Variants in PKNOX1 observed in about 807,000 individuals in gnomAD.
The protein encoded by PKNOX1 is homeobox protein PKNOX1.
Under a neutral mutation model 51.9 loss-of-function variants are expected in PKNOX1, and 15 were observed. The observed-to-expected ratio is 0.29, with a 90% CI of 0.19 to 0.45. The LOEUF is 0.45. Ranked by LOEUF, PKNOX1 falls within the 20% of genes least tolerant of loss-of-function variation. PKNOX1 has a pLI of 1.00. For synonymous variants in PKNOX1, 219 were observed against 211.1 expected, an observed-to-expected ratio of 1.04 and a Z score of -0.32; for missense variants, 462 against 547.5, an observed-to-expected ratio of 0.84 and a Z score of 1.56.
At chr21:42,990,022 A>G (rs2059077667) in intron 1 of PKNOX1, among the ~76,000 whole-genome samples, 1 of 151,730 alleles carries the variant, frequency 6.6e-6, no homozygotes. Context: ...TGCTTGAGTG[A>G]GGGAGGTCGA....
intron 1 of PKNOX1, among the ~76,000 whole-genome samples, chr21:42,990,039 A>G (rs773229272): frequency 2.2e-4 from 33 of 151,964 alleles, no homozygotes; most frequent in Admixed American, 3.3e-4. Context: ...TCGAGGCTGC[A>G]GTGAGCCAGA....
chr21:42,987,382 CAAAAAAAAAA>C (rs1181890321), intron 1 of PKNOX1, among the ~76,000 whole-genome samples: 2 of 47,896 alleles, frequency 4.2e-5, no homozygotes, highest in African/African-American at 1.0e-4. Flanking sequence ...AACTCCCTCT[CAAAAAAAAAA>C]AAAAAAAAAA....
At chr21:43,026,532 G>C (rs922173634) in intron 9 of PKNOX1, among the ~76,000 whole-genome samples, 1 of 152,158 alleles carries the variant, frequency 6.6e-6, no homozygotes, top group African/African-American at 2.4e-5. Context: ...GCCGAGGTGG[G>C]CAGATCACGA....
rs541228311 is a variant in PKNOX1 at position 42,978,602 on chromosome 21, G to C, written c.-57+3938G>C. ...GGGTTCAAGTGATTCTCTTGCCTCAGCCTACCAAGTAGTTGGGACTACAGA... is the reference window on the plus strand; with the variant it reads ...GGGTTCAAGTGATTCTCTTGCCTCACCCTACCAAGTAGTTGGGACTACAGA... On this transcript the variant is annotated intron_variant, in intron 1 of 10. Coordinates refer to ENST00000291547, the MANE Select transcript of PKNOX1 (RefSeq NM_004571.5). Among the ~76,000 whole-genome samples, 20 of 150,824 alleles carry C rather than the reference G, an allele frequency of 1.3e-4. No homozygotes were observed. In the South Asian group the frequency reaches 4.2e-3, roughly 32 times the overall value.
At chr21:42,975,086 C>T (rs2058985988) in intron 1 of PKNOX1, among the ~76,000 whole-genome samples, 2 of 141,670 alleles carry the variant, frequency 1.4e-5, no homozygotes, top group Admixed American at 6.9e-5. Flanking sequence ...GGCGGGGCGG[C>T]GGGCGTGAGG....
At position 43,026,711 on chromosome 21, in the gene PKNOX1, C is replaced by T. The variant is rs182755596; in HGVS notation, c.926+1764C>T. Reference sequence around the variant, plus strand: ...GGTGGAGGTTGCAGTGAGCCCAGATCGCACCATTGCACTCCAGCCTGGGCG... The same window carrying T: ...GGTGGAGGTTGCAGTGAGCCCAGATTGCACCATTGCACTCCAGCCTGGGCG... On this transcript the variant is annotated intron_variant, in intron 9 of 10. Coordinates refer to ENST00000291547, the MANE Select transcript of PKNOX1 (RefSeq NM_004571.5). Among the ~76,000 whole-genome samples the T allele has an allele frequency of 4.6e-5, 7 of 152,110 alleles. No homozygotes were observed. In the East Asian group the frequency reaches 1.2e-3, roughly 25 times the overall value.
At chr21:42,992,611 C>T (rs1385550678) in intron 1 of PKNOX1, among the ~76,000 whole-genome samples, 25 of 152,122 alleles carry the variant, frequency 1.6e-4, no homozygotes, top group African/African-American at 7.2e-5. Context: ...CTTCTGGAGG[C>T]GCTTTCTGAA....
intron 1 of PKNOX1, among the ~76,000 whole-genome samples, chr21:42,992,052 T>C (rs1182256245): frequency 6.6e-6 from 1 of 152,220 alleles, no homozygotes; most frequent in Non-Finnish European, 1.5e-5. Flanking sequence ...GTTACACTCA[T>C]GTGGCTTCGG....
Position 43,029,988 on chromosome 21 carries a change from A to T in PKNOX1, c.1198A>T (p.Met400Leu). ...GATLAVQQVM[M>L]AGQSEDESVD... Reference sequence around the variant, plus strand: ...CACCCTGGCGGTGCAGCAGGTCATGATGGCAGGGCAGAGCGAGGACGAGTC... The same window carrying T: ...CACCCTGGCGGTGCAGCAGGTCATGTTGGCAGGGCAGAGCGAGGACGAGTC... The change falls in exon 11 of 11, where the codon ATG (methionine) becomes TTG (leucine). Residue 400 changes from methionine (M) to leucine (L), a missense_variant. Met to Leu is a conservative substitution (Grantham distance 15). Coordinates refer to ENST00000291547, the MANE Select transcript of PKNOX1 (RefSeq NM_004571.5). 1 of 1,614,056 alleles carries T rather than the reference A, an allele frequency of 6.2e-7. No individual in the cohort carries two copies. Among genetic ancestry groups the T allele is most frequent in the Non-Finnish European group, 8.5e-7 (1 of 1,180,026 alleles).
At chr21:42,974,865 G>T (rs1333532660) in intron 1 of PKNOX1, among the ~76,000 whole-genome samples, 1 of 147,902 alleles carries the variant, frequency 6.8e-6, no homozygotes, top group Non-Finnish European at 1.5e-5. Context: ...GGGGAGGGGA[G>T]CGGGCACCCG....
At chr21:43,018,481 CACACACACACACACACACACACACA>C (rs1979609130) in intron 7 of PKNOX1, among the ~76,000 whole-genome samples, 1 of 22,342 alleles carries the variant, frequency 4.5e-5, no homozygotes, top group Non-Finnish European at 1.1e-4. Flanking sequence ...CACCCACACA[CACACACACACACACACACACACACA>C]CACACACACA....
intron 10 of PKNOX1, 130 bp from the exon 11 acceptor site, chr21:43,029,760 C>A: frequency 1.3e-6 from 1 of 799,648 alleles, no homozygotes; most frequent in Non-Finnish European, 2.1e-6. Flanking sequence ...CCCTGTTGAA[C>A]ATTCCCTAAA....
chr21:42,976,222 A>C (rs1601259648), intron 1 of PKNOX1, among the ~76,000 whole-genome samples: 1 of 140,890 alleles, frequency 7.1e-6, no homozygotes, highest in Admixed American at 7.0e-5. Flanking sequence ...ATACTACTTA[A>C]AGTGTGCAAT....
intron 3 of PKNOX1, 123 bp downstream of exon 3, chr21:43,007,741 CT>C (rs1357399087): frequency 2.5e-5 from 26 of 1,060,980 alleles, no homozygotes; most frequent in Non-Finnish European, 3.5e-5. Flanking sequence ...GATGTGATAA[CT>C]GCTCGGCTGA....
intron 5 of PKNOX1, among the ~76,000 whole-genome samples, chr21:43,016,365 T>C (rs1347775044): frequency 6.6e-6 from 1 of 152,144 alleles, no homozygotes; most frequent in African/African-American, 2.4e-5. Context: ...GCAAGAACAC[T>C]GGGGAAAGCC....
chr21:42,983,922 T>G (rs921760718), intron 1 of PKNOX1, among the ~76,000 whole-genome samples: 1 of 152,220 alleles, frequency 6.6e-6, no homozygotes, highest in Non-Finnish European at 1.5e-5. Context: ...AGGTGGCATC[T>G]TACTGTCATT....
chr21:43,009,112 C>T (rs923790384), intron 3 of PKNOX1, among the ~76,000 whole-genome samples: 2 of 152,054 alleles, frequency 1.3e-5, no homozygotes, highest in Non-Finnish European at 2.9e-5. Context: ...GTCAGGAGAT[C>T]GAGACAAGCC....
At chr21:42,996,269 A>G (rs1384710113) in intron 1 of PKNOX1, among the ~76,000 whole-genome samples, 1 of 152,116 alleles carries the variant, frequency 6.6e-6, no homozygotes, top group African/African-American at 2.4e-5. Context: ...GACTGCTGCA[A>G]TGGGATTGTG....
At chr21:42,990,713 T>C (rs1205985876) in intron 1 of PKNOX1, among the ~76,000 whole-genome samples, 1 of 152,188 alleles carries the variant, frequency 6.6e-6, no homozygotes, top group African/African-American at 2.4e-5. Context: ...TGGGAGCCTT[T>C]ATAAGGAAAT....
Sources: allele counts gnomAD v4.1 joint callset (sites outside exome capture counted in the v4.1 genomes callset), GRCh38; gene constraint gnomAD v4.1.1; transcripts MANE v1.5; gene names NCBI Gene and HGNC (gene_info 2026-07-23, HGNC 2026-07-21).